Variants in SYNDIG1 observed in about 807,000 individuals in gnomAD.
SYNDIG1 encodes synapse differentiation-inducing gene protein 1.
SYNDIG1 carries 9 observed loss-of-function variants against 19.4 expected under a neutral mutation model. That is an observed-to-expected ratio of 0.46 (90% CI 0.28 to 0.81). The LOEUF is 0.81. Among genes scored for constraint, SYNDIG1 ranks in the 30% least tolerant of loss-of-function variants. The pLI, the probability that SYNDIG1 is intolerant of heterozygous loss-of-function variation, is 0.12. For synonymous variants in SYNDIG1, 141 were observed against 145.9 expected, an observed-to-expected ratio of 0.97 and a Z score of 0.24; for missense variants, 311 against 343.3, an observed-to-expected ratio of 0.91 and a Z score of 0.74.
chr20:24,591,341 C>T (rs2058509241), intron 3 of SYNDIG1, among the ~76,000 whole-genome samples: 1 of 152,030 alleles, frequency 6.6e-6, no homozygotes, highest in African/African-American at 2.4e-5. Context: ...CTGCTGTGAT[C>T]TATGATCCCA....
At chr20:24,569,648 C>G (rs982090284) in intron 2 of SYNDIG1, among the ~76,000 whole-genome samples, 3 of 152,106 alleles carry the variant, frequency 2.0e-5, no homozygotes, top group African/African-American at 7.2e-5. Context: ...AACCAAAAAC[C>G]CCAGCTTTCT....
At chr20:24,567,522 T>G (rs114431458) in intron 2 of SYNDIG1, among the ~76,000 whole-genome samples, 2 of 152,254 alleles carry the variant, frequency 1.3e-5, no homozygotes, top group African/African-American at 4.8e-5. Flanking sequence ...GGGGCCCTCT[T>G]GAAAAGAGCC....
intron 1 of SYNDIG1, among the ~76,000 whole-genome samples, chr20:24,501,987 G>A (rs1489345852): frequency 1.3e-5 from 2 of 152,224 alleles, no homozygotes; most frequent in South Asian, 4.1e-4. Context: ...AGAACGAATG[G>A]CCCACGAGCA....
rs2059641787 is a variant in SYNDIG1, at chr20:24,665,678, G to C, written c.*174G>C. On this transcript the variant is annotated 3_prime_UTR_variant, in exon 4 of 4. Transcript: ENST00000376862. Reference sequence around the variant, plus strand: ...TTTATCCTTTAATTTCATGTTCACAGCACTGTGTAGAGCACCAGACAGACG... The same window carrying C: ...TTTATCCTTTAATTTCATGTTCACACCACTGTGTAGAGCACCAGACAGACG... 1.2e-6 allele frequency: 1 copy of C among 832,118 alleles called. No homozygotes were observed. Among genetic ancestry groups the C allele is most frequent in the Non-Finnish European group, 1.8e-6 (1 of 561,766 alleles). 51.5% of individuals were successfully genotyped at this position (832,118 alleles called of 1,614,324 possible).
At chr20:24,488,369 G>A (rs549910257) in intron 1 of SYNDIG1, among the ~76,000 whole-genome samples, 2 of 152,320 alleles carry the variant, frequency 1.3e-5, no homozygotes, top group African/African-American at 4.8e-5. Flanking sequence ...AAAGTGCTTC[G>A]CCCAGTGCCT....
chr20:24,661,892 C>T (rs2059608085), intron 3 of SYNDIG1, among the ~76,000 whole-genome samples: 1 of 152,110 alleles, frequency 6.6e-6, no homozygotes, highest in Non-Finnish European at 1.5e-5. Flanking sequence ...GACCAATGGG[C>T]AGGGTGGGGG....
intron 1 of SYNDIG1, among the ~76,000 whole-genome samples, chr20:24,532,506 C>A (rs1484435564): frequency 2.0e-5 from 3 of 152,160 alleles, no homozygotes; most frequent in Non-Finnish European, 4.4e-5. Context: ...GTTCTGGAAT[C>A]AGATAGTGAT....
chr20:24,544,396 G>C (rs1047011816), intron 2 of SYNDIG1, among the ~76,000 whole-genome samples: 1 of 152,166 alleles, frequency 6.6e-6, no homozygotes, highest in Non-Finnish European at 1.5e-5. Flanking sequence ...CAGGCTTTCC[G>C]TCAGTTTGGT....
At chr20:24,655,955 C>A (rs1432777633) in intron 3 of SYNDIG1, among the ~76,000 whole-genome samples, 3 of 152,136 alleles carry the variant, frequency 2.0e-5, no homozygotes, top group Admixed American at 6.5e-5. Flanking sequence ...AGTCTCACAC[C>A]CAGAGCAGAG....
chr20:24,630,232 C>T (rs1048651017), intron 3 of SYNDIG1, among the ~76,000 whole-genome samples: 1 of 152,158 alleles, frequency 6.6e-6, no homozygotes, highest in Non-Finnish European at 1.5e-5. Flanking sequence ...AACGAGCTGC[C>T]TCTGCACACA....
At chr20:24,472,469 T>G (rs1327627067) in intron 1 of SYNDIG1, among the ~76,000 whole-genome samples, 1 of 152,248 alleles carries the variant, frequency 6.6e-6, no homozygotes, top group African/African-American at 2.4e-5. Flanking sequence ...TAATTTTAAA[T>G]CGTATTTTCT....
intron 1 of SYNDIG1, among the ~76,000 whole-genome samples, chr20:24,475,912 G>T (rs2055609455): frequency 6.6e-6 from 1 of 150,910 alleles, no homozygotes; most frequent in Non-Finnish European, 1.5e-5. Flanking sequence ...CCAGGCTGGA[G>T]TGCAGTGGCA....
intron 2 of SYNDIG1, among the ~76,000 whole-genome samples, chr20:24,550,698 T>G (rs938168150): frequency 2.6e-5 from 4 of 151,962 alleles, no homozygotes; most frequent in Non-Finnish European, 4.4e-5. Flanking sequence ...TTTTAGTAGA[T>G]ACGGGGTTTC....
At chr20:24,489,982 T>C (rs1403854746) in intron 1 of SYNDIG1, among the ~76,000 whole-genome samples, 3 of 152,190 alleles carry the variant, frequency 2.0e-5, no homozygotes, top group Admixed American at 6.5e-5. Context: ...CATCTGTGTG[T>C]GGCCCCCGAG....
At chr20:24,501,343 C>T (rs934568808) in intron 1 of SYNDIG1, among the ~76,000 whole-genome samples, 2 of 152,188 alleles carry the variant, frequency 1.3e-5, no homozygotes, top group Non-Finnish European at 2.9e-5. Context: ...GGGCAGTAGC[C>T]CCGGATGACA....
chr20:24,511,494 C>T (rs1042423338), intron 1 of SYNDIG1, among the ~76,000 whole-genome samples: 1 of 152,142 alleles, frequency 6.6e-6, no homozygotes, highest in African/African-American at 2.4e-5. Flanking sequence ...TCACTGGATA[C>T]GTTATTCTCT....
intron 3 of SYNDIG1, among the ~76,000 whole-genome samples, chr20:24,629,276 T>C (rs895517606): frequency 4.6e-5 from 7 of 151,936 alleles, no homozygotes; most frequent in Non-Finnish European, 1.0e-4. Context: ...GTGAGGCGAG[T>C]GTGCCTCTGG....
chr20:24,526,640 C>T (rs1039755862), intron 1 of SYNDIG1, among the ~76,000 whole-genome samples: 2 of 152,158 alleles, frequency 1.3e-5, no homozygotes, highest in Admixed American at 6.5e-5. Flanking sequence ...ATAAGTATGT[C>T]GTGAGTTTGT....
intron 1 of SYNDIG1, among the ~76,000 whole-genome samples, chr20:24,486,838 T>C (rs774369379): frequency 6.6e-6 from 1 of 152,222 alleles, no homozygotes; most frequent in South Asian, 2.1e-4. Context: ...TTTGTATTTT[T>C]AGTAGAGACC....
Sources: gnomAD v4.1 joint callset for allele counts (sites outside exome capture counted in the v4.1 genomes callset) on GRCh38, gnomAD v4.1.1 for gene constraint, MANE v1.5 for transcripts, NCBI Gene and HGNC (gene_info 2026-07-23, HGNC 2026-07-21) for gene names.